Variants in SNX18 observed in about 807,000 individuals in gnomAD.
SNX18 encodes the protein sorting nexin-18.
SNX18 carries 35 observed loss-of-function variants against 48.7 expected under a neutral mutation model. The observed-to-expected ratio is 0.72, with a 90% CI of 0.55 to 0.95. SNX18 has a LOEUF of 0.95. SNX18 is among the 40% of genes least tolerant of loss of function. The pLI, the probability that SNX18 is intolerant of heterozygous loss-of-function variation, is 0.00. For synonymous variants in SNX18, 492 were observed against 384.7 expected (o/e 1.28, Z -3.26); for missense variants, 824 against 871.0 (o/e 0.95, Z 0.68).
chr5:54,588,047 T>C, the SNX18 span, among the ~76,000 whole-genome samples: 1 of 152,126 alleles, frequency 6.6e-6, no homozygotes, highest in Non-Finnish European at 1.5e-5. Flanking sequence ...GCCAATCTTC[T>C]AGGGAATCCA....
At chr5:54,585,847 C>CA in the SNX18 span, among the ~76,000 whole-genome samples, 537 of 149,982 alleles carry the variant, frequency 3.6e-3, 1 homozygote, top group Non-Finnish European at 6.3e-3. Flanking sequence ...ACTAAAAATA[C>CA]AAAAAAAAAT....
At chr5:54,571,776 G>A in the SNX18 span, among the ~76,000 whole-genome samples, 1 of 152,206 alleles carries the variant, frequency 6.6e-6, no homozygotes. Context: ...TCATGATTAT[G>A]TATGGTCTCA....
chr5:54,593,023 A>G, the SNX18 span, among the ~76,000 whole-genome samples: 1 of 152,012 alleles, frequency 6.6e-6, no homozygotes, highest in African/African-American at 2.4e-5. Flanking sequence ...CTGGTCTCAA[A>G]CCCCTGACCT....
At chr5:54,619,864 T>C in the SNX18 span, among the ~76,000 whole-genome samples, 14 of 152,216 alleles carry the variant, frequency 9.2e-5, no homozygotes, top group African/African-American at 2.9e-4. Context: ...TTCTGGTTAG[T>C]GCTTGGTAAA....
Position 54,518,318 on chromosome 5 carries a change from C to A in SNX18, c.366C>A (p.Pro122=). ...CGCCTCCGAGCACCTTCCAGCCGCC[C>A]GGCGCGGGCTTCCCGTACGGCGGGG... is the stretch of plus-strand genomic sequence containing the variant. ...QAPPPSTFQP[P]GAGFPYGGGA... is the part of the protein sequence containing the mutation. The change falls in exon 1 of 2, where the codon CCC becomes CCA. Residue 122 remains proline (P), a synonymous_variant. Transcript: ENST00000381410. 6.5e-7 allele frequency: 1 copy of A among 1,538,874 alleles called. No individual in the cohort carries two copies. The highest frequency in any genetic ancestry group is 8.7e-7 in the Non-Finnish European group (1 of 1,145,746).
At chr5:54,626,413 C>T in the SNX18 span, among the ~76,000 whole-genome samples, 1 of 152,060 alleles carries the variant, frequency 6.6e-6, no homozygotes, top group African/African-American at 2.4e-5. Flanking sequence ...CACCTTGGCT[C>T]CCAGAGTGCT....
At chr5:54,558,476 A>T in the SNX18 span, among the ~76,000 whole-genome samples, 2 of 152,178 alleles carry the variant, frequency 1.3e-5, no homozygotes, top group Middle Eastern at 3.2e-3. Context: ...GAGGTAACTT[A>T]TTAAATTAGC....
chr5:54,554,094 G>C, the SNX18 span, among the ~76,000 whole-genome samples: 378 of 152,274 alleles, frequency 2.5e-3, 1 homozygote, highest in Admixed American at 4.0e-3. Flanking sequence ...CCACCAGATT[G>C]CCCTTGGCAA....
the SNX18 span, among the ~76,000 whole-genome samples, chr5:54,589,860 T>C: frequency 1.3e-5 from 2 of 152,202 alleles, no homozygotes; most frequent in Non-Finnish European, 2.9e-5. Flanking sequence ...AGAGTCTTGC[T>C]CTCTCAACTA....
At chr5:54,565,789 G>A in the SNX18 span, among the ~76,000 whole-genome samples, 3 of 152,152 alleles carry the variant, frequency 2.0e-5, no homozygotes, top group Admixed American at 6.5e-5. Flanking sequence ...GATGGATAGG[G>A]CGAGGGGTAA....
chr5:54,580,321 C>A, the SNX18 span, among the ~76,000 whole-genome samples: 4 of 152,096 alleles, frequency 2.6e-5, no homozygotes, highest in Admixed American at 6.5e-5. Flanking sequence ...AGCAGAATGC[C>A]TTGAAAAGTA....
chr5:54,532,339 A>T, intron 1 of SNX18, among the ~76,000 whole-genome samples: 1 of 132,224 alleles, frequency 7.6e-6, no homozygotes, highest in African/African-American at 2.8e-5. Context: ...TTTTGTAGAG[A>T]CCAGTATGCG....
the SNX18 span, among the ~76,000 whole-genome samples, chr5:54,567,782 C>T: frequency 2.1e-4 from 32 of 152,328 alleles, no homozygotes; most frequent in Admixed American, 7.2e-4. Flanking sequence ...ACTCGGAAGG[C>T]ACCTCACCTC....
chr5:54,630,420 G>A, the SNX18 span, among the ~76,000 whole-genome samples: 1 of 152,154 alleles, frequency 6.6e-6, no homozygotes, highest in Non-Finnish European at 1.5e-5. Context: ...ACTGCTCTTG[G>A]AGCATCTTCT....
At chr5:54,631,875 T>C in the SNX18 span, among the ~76,000 whole-genome samples, 58 of 152,358 alleles carry the variant, frequency 3.8e-4, no homozygotes, top group Middle Eastern at 6.8e-3. Context: ...TCCTTGTCAA[T>C]GAATGCTGAA....
the SNX18 span, among the ~76,000 whole-genome samples, chr5:54,562,419 C>T: frequency 3.3e-5 from 5 of 152,152 alleles, no homozygotes; most frequent in East Asian, 1.9e-4. Context: ...ATCTCATCTC[C>T]GTCACCTTTT....
intron 1 of SNX18, among the ~76,000 whole-genome samples, chr5:54,535,878 G>A (rs972821229): frequency 1.3e-5 from 2 of 152,176 alleles, no homozygotes; most frequent in African/African-American, 2.4e-5. Context: ...CTGGAGTGTG[G>A]GAAGGTGCCC....
At chr5:54,641,796 T>C in the SNX18 span, among the ~76,000 whole-genome samples, 1 of 152,258 alleles carries the variant, frequency 6.6e-6, no homozygotes, top group African/African-American at 2.4e-5. Context: ...TGAATGTGTG[T>C]ATGTATGCGT....
the SNX18 span, among the ~76,000 whole-genome samples, chr5:54,606,325 C>T: frequency 6.6e-6 from 1 of 152,206 alleles, no homozygotes; most frequent in African/African-American, 2.4e-5. Context: ...GCTATTGATT[C>T]ATCTATCATA....
Sources: gnomAD v4.1 joint callset for allele counts (sites outside exome capture counted in the v4.1 genomes callset) on GRCh38, gnomAD v4.1.1 for gene constraint, MANE v1.5 for transcripts, NCBI Gene and HGNC (gene_info 2026-07-23, HGNC 2026-07-21) for gene names.